RABGAP1L: variants seen among roughly 807,000 people sequenced by gnomAD.
RABGAP1L encodes the protein rab GTPase-activating protein 1-like.
Under a neutral mutation model 137.7 loss-of-function variants are expected in RABGAP1L, and 63 were observed. The ratio of observed to expected loss-of-function variants is 0.46; its 90% CI spans 0.37 to 0.56. RABGAP1L has a LOEUF of 0.56. Among genes scored for constraint, RABGAP1L ranks in the 20% least tolerant of loss-of-function variants. The probability of loss-of-function intolerance (pLI) is 0.00; values close to 1 mark genes in which losing one functional copy is unlikely to be tolerated. For synonymous variants in RABGAP1L, 431 were observed against 433.7 expected (o/e 0.99, Z 0.08); for missense variants, 1,095 against 1,244.0 (o/e 0.88, Z 1.80).
chr1:174,458,733 G>A (rs1048417018), intron 13 of RABGAP1L, among the ~76,000 whole-genome samples: 4 of 151,784 alleles, frequency 2.6e-5, no homozygotes, highest in Non-Finnish European at 4.4e-5. Context: ...TAACATAATC[G>A]TATTTTACCT....
chr1:174,944,446 C>A (rs987013773), intron 19 of RABGAP1L, among the ~76,000 whole-genome samples: 22 of 151,986 alleles, frequency 1.4e-4, no homozygotes, highest in African/African-American at 4.8e-4. Flanking sequence ...GAGTTCAAGA[C>A]CAGCTGGGGC....
chr1:174,386,218 G>A (rs1686763490), intron 12 of RABGAP1L, among the ~76,000 whole-genome samples: 1 of 152,176 alleles, frequency 6.6e-6, no homozygotes, highest in Non-Finnish European at 1.5e-5. Context: ...TCTGTTCTAA[G>A]CACTCTCCAT....
At chr1:174,421,187 T>A (rs1027888996) in intron 13 of RABGAP1L, among the ~76,000 whole-genome samples, 6 of 152,208 alleles carry the variant, frequency 3.9e-5, no homozygotes, top group African/African-American at 1.4e-4. Context: ...TATTTTTTTT[T>A]ATCTTGAAGG....
chr1:174,252,451 G>A, intron 6 of RABGAP1L, 29 bp from the exon 7 acceptor site: 1 of 1,591,528 alleles, frequency 6.3e-7, no homozygotes, highest in Non-Finnish European at 8.5e-7. Context: ...TAGATTATTG[G>A]TAATTCCTAT....
rs1252439762 is a variant in RABGAP1L at position 174,272,499 on chromosome 1, AC to A, written c.1053+21del. On this transcript the variant is annotated intron_variant, in intron 8 of 25. Coordinates refer to ENST00000681986, the MANE Select transcript of RABGAP1L (RefSeq NM_001366446.1). ...GGATATGGTAATGATAATCTTAAGC[AC>A]CTTAACCAAGTATAGATGATAGTTA... 6.5e-7 allele frequency: 1 copy of A among 1,546,706 alleles called. No individual in the cohort carries two copies. The highest frequency in any genetic ancestry group is 2.2e-5 in the Admixed American group (1 of 45,772).
At chr1:174,418,076 A>T (rs1016816885) in intron 13 of RABGAP1L, among the ~76,000 whole-genome samples, 3 of 152,208 alleles carry the variant, frequency 2.0e-5, no homozygotes, top group Non-Finnish European at 4.4e-5. Context: ...GAAATTTCAA[A>T]TGCTGAGGCA....
intron 14 of RABGAP1L, among the ~76,000 whole-genome samples, chr1:174,646,134 T>G (rs1023143914): frequency 1.3e-5 from 2 of 152,178 alleles, no homozygotes; most frequent in African/African-American, 4.8e-5. Context: ...ATGGATAGAT[T>G]GCAAAAATTT....
chr1:174,687,030 A>C (rs747965960), intron 15 of RABGAP1L, among the ~76,000 whole-genome samples: 1 of 152,090 alleles, frequency 6.6e-6, no homozygotes, highest in Non-Finnish European at 1.5e-5. Context: ...ATTATAATAT[A>C]TTTATTAATG....
At chr1:174,974,912 G>C (rs1670517657) in intron 21 of RABGAP1L, among the ~76,000 whole-genome samples, 1 of 152,194 alleles carries the variant, frequency 6.6e-6, no homozygotes. Context: ...TATGGCAGAA[G>C]ACGGACAGAA....
At chr1:174,295,127 C>T (rs963706419) in intron 10 of RABGAP1L, among the ~76,000 whole-genome samples, 5 of 151,622 alleles carry the variant, frequency 3.3e-5, no homozygotes, top group Non-Finnish European at 7.4e-5. Context: ...CCGTGTTAGC[C>T]AAGATGGGCT....
intron 12 of RABGAP1L, among the ~76,000 whole-genome samples, chr1:174,386,483 GTGTGTGTGTT>G (rs913261813): frequency 1.2e-4 from 18 of 151,820 alleles, no homozygotes; most frequent in South Asian, 2.1e-4. Flanking sequence ...GGGTGTGTGT[GTGTGTGTGTT>G]TGTGTGTGTT....
intron 10 of RABGAP1L, among the ~76,000 whole-genome samples, chr1:174,295,119 G>A (rs373816648): frequency 2.6e-5 from 4 of 151,410 alleles, no homozygotes; most frequent in Admixed American, 1.3e-4. Context: ...GGGTTTCACC[G>A]TGTTAGCCAA....
chr1:174,437,674 A>G (rs1653571522), intron 13 of RABGAP1L, among the ~76,000 whole-genome samples: 2 of 152,200 alleles, frequency 1.3e-5, no homozygotes, highest in Non-Finnish European at 2.9e-5. Flanking sequence ...AACTTCCCCA[A>G]TCTAGCAAGG....
Position 174,563,051 on chromosome 1 carries a change from C to T in RABGAP1L, c.1711-74324C>T, listed in dbSNP as rs535227368. 2.0e-5 allele frequency among the ~76,000 whole-genome samples: 3 copies of T among 152,220 alleles called. No individual in the cohort carries two copies. The East Asian group carries it at 5.8e-4, about 29-fold the overall frequency. On this transcript the variant is annotated intron_variant, in intron 13 of 25. Coordinates refer to ENST00000681986, the MANE Select transcript of RABGAP1L (RefSeq NM_001366446.1). ...TTTGATATTATCATTTACATATCAT[C>T]TGTAGTTACTTTTGTGCTACAGAGT...
At position 174,241,549 on chromosome 1, in the gene RABGAP1L, A is replaced by G. The variant is rs759470786; in HGVS notation, c.609A>G (p.Ala203=). The part of the protein sequence containing the change: ...SFPIYKVLFC[A]RGHDGTTESN... ...CAATCTATAAGGTGTTATTCTGTGC[A>G]CGTGGACATGACGGAACAACAGAGA... Residue 203 remains alanine (A), a synonymous_variant, in exon 5 of 26, where the codon GCA becomes GCG. Transcript: ENST00000681986. 6.2e-7 allele frequency: 1 copy of G among 1,613,190 alleles called. No individual in the cohort carries two copies. The highest frequency in any genetic ancestry group is 1.1e-5 in the South Asian group (1 of 91,068).
chr1:174,601,060 C>T (rs548542984), intron 13 of RABGAP1L, among the ~76,000 whole-genome samples: 3 of 152,286 alleles, frequency 2.0e-5, no homozygotes, highest in East Asian at 1.9e-4. Context: ...TTGGTGCACC[C>T]GCAGGCTCAA....
chr1:174,232,485 T>TAA (rs1304294197), intron 4 of RABGAP1L, among the ~76,000 whole-genome samples: 1 of 129,904 alleles, frequency 7.7e-6, no homozygotes. Flanking sequence ...CCATCTCAAT[T>TAA]AAAAAAAAAA....
chr1:174,211,569 A>G (rs138429434), intron 1 of RABGAP1L, among the ~76,000 whole-genome samples: 12 of 152,300 alleles, frequency 7.9e-5, no homozygotes, highest in Admixed American at 3.3e-4. Flanking sequence ...ACAGAAAGGA[A>G]AGAAGGAAGC....
intron 11 of RABGAP1L, among the ~76,000 whole-genome samples, chr1:174,307,125 CTG>C (rs918086150): frequency 2.0e-5 from 3 of 152,110 alleles, no homozygotes; most frequent in African/African-American, 7.2e-5. Context: ...GGATGAGAAA[CTG>C]AGACACAGAG....
Sources: gnomAD v4.1 joint callset for allele counts (sites outside exome capture counted in the v4.1 genomes callset) on GRCh38, gnomAD v4.1.1 for gene constraint, MANE v1.5 for transcripts, NCBI Gene and HGNC (gene_info 2026-07-23, HGNC 2026-07-21) for gene names.